Variants in HDAC9 observed in about 807,000 individuals in gnomAD.
The protein encoded by HDAC9 is MEF-2 interacting transcription repressor (MITR) protein.
HDAC9 carries 41 observed loss-of-function variants against 139.4 expected under a neutral mutation model. That is an observed-to-expected ratio of 0.29 (90% CI 0.23 to 0.38). The LOEUF is 0.38. Among genes scored for constraint, HDAC9 ranks in the 10% least tolerant of loss-of-function variants. HDAC9 has a pLI of 1.00. For synonymous variants in HDAC9, 517 were observed against 476.2 expected (o/e 1.09, Z -1.12); for missense variants, 1,147 against 1,297.0 (o/e 0.88, Z 1.78).
chr7:18,930,994 T>A (rs1357491993), intron 22 of HDAC9, among the ~76,000 whole-genome samples: 1 of 152,224 alleles, frequency 6.6e-6, no homozygotes, highest in Non-Finnish European at 1.5e-5. Flanking sequence ...GTAGTGACTT[T>A]AGATAATTGA....
intron 13 of HDAC9, among the ~76,000 whole-genome samples, chr7:18,736,890 TA>T (rs528877036): frequency 3.2e-4 from 49 of 152,198 alleles, no homozygotes; most frequent in Non-Finnish European, 6.5e-4. Flanking sequence ...GGTAGGCTAT[TA>T]ATTATTGCCT....
chr7:18,303,089 A>G lies in HDAC9; in HGVS notation c.-42+12574A>G, dbSNP rs1798650691. Among the ~76,000 whole-genome samples, 3 of 152,188 alleles carry G rather than the reference A, an allele frequency of 2.0e-5. 1 individual carries two copies. Among genetic ancestry groups the G allele is most frequent in the Non-Finnish European group, 4.4e-5 (3 of 68,036 alleles). Reference sequence around the variant, plus strand: ...GCCATTAAAATATTGATAGTTTTTCATAGAAAGGGTAGAACACCAGTTAAT... The same window carrying G: ...GCCATTAAAATATTGATAGTTTTTCGTAGAAAGGGTAGAACACCAGTTAAT... On this transcript the variant is annotated intron_variant, in intron 1 of 3. Coordinates refer to the HDAC9 transcript ENST00000413509.
At chr7:18,383,687 T>C (rs910161320) in intron 1 of HDAC9, among the ~76,000 whole-genome samples, 5 of 148,814 alleles carry the variant, frequency 3.4e-5, no homozygotes, top group Non-Finnish European at 7.5e-5. Context: ...AAGAAATCAA[T>C]ACAAGAAAGA....
intron 16 of HDAC9, among the ~76,000 whole-genome samples, chr7:18,781,815 G>T (rs951882402): frequency 7.2e-5 from 11 of 152,038 alleles, no homozygotes; most frequent in Admixed American, 3.9e-4. Context: ...AAGAAATTTG[G>T]CATTAGAAGA....
At chr7:18,168,578 G>T (rs1788160525) in intron 2 of HDAC9, among the ~76,000 whole-genome samples, 1 of 152,078 alleles carries the variant, frequency 6.6e-6, no homozygotes. Context: ...GTCTGTGTGT[G>T]TGTGTGTACG....
At chr7:18,559,401 C>T (rs879906079) in intron 2 of HDAC9, among the ~76,000 whole-genome samples, 9 of 152,104 alleles carry the variant, frequency 5.9e-5, no homozygotes, top group South Asian at 4.2e-4. Flanking sequence ...AGAAACCAAT[C>T]GATCGTATCT....
At chr7:18,505,673 T>C (rs1180465870) in intron 2 of HDAC9, among the ~76,000 whole-genome samples, 2 of 152,170 alleles carry the variant, frequency 1.3e-5, no homozygotes, top group Non-Finnish European at 2.9e-5. Context: ...TACCTACTAA[T>C]CCAATTATGC....
chr7:18,964,810 C>T (rs1783743018), intron 24 of HDAC9, among the ~76,000 whole-genome samples: 2 of 152,166 alleles, frequency 1.3e-5, no homozygotes, highest in South Asian at 4.1e-4. Flanking sequence ...GGACACCACC[C>T]TCATGATTCA....
chr7:18,382,887 G>C (rs890147362), intron 1 of HDAC9, among the ~76,000 whole-genome samples: 1 of 152,152 alleles, frequency 6.6e-6, no homozygotes. Flanking sequence ...ATGTGTATGA[G>C]TGTGTATGTA....
intron 1 of HDAC9, among the ~76,000 whole-genome samples, chr7:18,147,879 C>T (rs1786464211): frequency 6.6e-6 from 1 of 151,754 alleles, no homozygotes; most frequent in Non-Finnish European, 1.5e-5. Flanking sequence ...CATTAATTTA[C>T]TGTAAGTATT....
At chr7:18,501,944 A>G (rs981754473) in intron 2 of HDAC9, among the ~76,000 whole-genome samples, 1 of 152,194 alleles carries the variant, frequency 6.6e-6, no homozygotes, top group African/African-American at 2.4e-5. Context: ...ATCATGTGAT[A>G]AAGTAGTTGG....
At chr7:18,214,481 C>T (rs1388013737) in intron 2 of HDAC9, among the ~76,000 whole-genome samples, 2 of 152,020 alleles carry the variant, frequency 1.3e-5, no homozygotes, top group Admixed American at 1.3e-4. Flanking sequence ...CTCATCCCAC[C>T]TTGTTAGATG....
At chr7:18,310,989 A>T (rs1276964754) in intron 1 of HDAC9, among the ~76,000 whole-genome samples, 1 of 152,090 alleles carries the variant, frequency 6.6e-6, no homozygotes, top group East Asian at 1.9e-4. Context: ...TAGATTTTTA[A>T]TATCATTAAT....
intron 2 of HDAC9, among the ~76,000 whole-genome samples, chr7:18,191,976 C>T (rs970393028): frequency 6.6e-6 from 1 of 152,216 alleles, no homozygotes; most frequent in Admixed American, 6.5e-5. Flanking sequence ...GACGAGAAGA[C>T]ATAAACAAGG....
At chr7:18,954,986 A>G (rs1309010570) in intron 24 of HDAC9, among the ~76,000 whole-genome samples, 2 of 152,086 alleles carry the variant, frequency 1.3e-5, no homozygotes, top group Non-Finnish European at 2.9e-5. Context: ...TTACCCATTT[A>G]TTTGATACTG....
rs1242307668 is a variant in HDAC9, at chr7:18,997,135, A to G, written c.*1073A>G. The stretch of plus-strand genomic sequence containing the variant: ...TATTTTGTTTACTTTACAGGTTAAC[A>G]CAGTTGTTTTGTCTGATTGCATTTT... On this transcript the variant is annotated 3_prime_UTR_variant, in exon 26 of 26. Coordinates refer to ENST00000686413, the MANE Select transcript of HDAC9 (RefSeq NM_178425.4). The G allele has an allele frequency of 1.3e-5, 2 of 152,196 alleles. No homozygotes were observed. Among genetic ancestry groups the G allele is most frequent in the Non-Finnish European group, 1.5e-5 (1 of 68,028 alleles). The allele number at this position is 152,196 out of a possible 1,614,324, so 9.4% of individuals were successfully genotyped here.
chr7:18,850,081 TAAAA>T (rs11327408), intron 21 of HDAC9, among the ~76,000 whole-genome samples: 1 of 82,310 alleles, frequency 1.2e-5, no homozygotes, highest in African/African-American at 4.3e-5. Flanking sequence ...AAAGCCTGAG[TAAAA>T]AAAAAAAAAA....
At chr7:18,699,454 T>C (rs942437062) in intron 12 of HDAC9, among the ~76,000 whole-genome samples, 1 of 152,128 alleles carries the variant, frequency 6.6e-6, no homozygotes, top group Non-Finnish European at 1.5e-5. Context: ...TGAGGCAATT[T>C]AATATGTTTC....
chr7:18,241,300 T>C (rs1794172785), intron 2 of HDAC9, among the ~76,000 whole-genome samples: 1 of 152,212 alleles, frequency 6.6e-6, no homozygotes, highest in Non-Finnish European at 1.5e-5. Context: ...AATGGTCTCT[T>C]TGTGAATTCC....
Sources: gnomAD v4.1 joint callset for allele counts (sites outside exome capture counted in the v4.1 genomes callset) on GRCh38, gnomAD v4.1.1 for gene constraint, MANE v1.5 for transcripts, NCBI Gene and HGNC (gene_info 2026-07-23, HGNC 2026-07-21) for gene names.